Variants in B3GALNT1 observed in about 807,000 individuals in gnomAD.
The protein encoded by B3GALNT1 is UDP-GalNAc:beta-1,3-N-acetylgalactosaminyltransferase 1.
A neutral mutation model predicts 27.3 loss-of-function variants in B3GALNT1; 17 were observed. The ratio of observed to expected loss-of-function variants is 0.62; its 90% CI spans 0.43 to 0.94. B3GALNT1 has a LOEUF of 0.94. B3GALNT1 is among the 40% of genes least tolerant of loss of function. The pLI, the probability that B3GALNT1 is intolerant of heterozygous loss-of-function variation, is 0.00. For missense variants in B3GALNT1, 347 were observed against 390.0 expected, an observed-to-expected ratio of 0.89 and a Z score of 0.93; for synonymous variants, 141 against 144.0, an observed-to-expected ratio of 0.98 and a Z score of 0.15.
At chr3:161,095,219 G>GGCCC (rs761310280) in intron 4 of B3GALNT1, among the ~76,000 whole-genome samples, 22 of 152,122 alleles carry the variant, frequency 1.4e-4, no homozygotes, top group Non-Finnish European at 2.5e-4. Flanking sequence ...CAAAAAGCTG[G>GGCCC]TTGTTGGAAA....
chr3:161,104,146 A>G (rs1001337587), intron 2 of B3GALNT1, 173 bp downstream of exon 2: 5 of 385,742 alleles, frequency 1.3e-5, no homozygotes, highest in South Asian at 4.4e-5. Context: ...TCTGTTAGTA[A>G]TAAACGATTC....
intron 4 of B3GALNT1, among the ~76,000 whole-genome samples, chr3:161,094,833 A>T (rs1259706377): frequency 1.3e-5 from 2 of 152,166 alleles, no homozygotes; most frequent in African/African-American, 4.8e-5. Flanking sequence ...CATTTGCCAC[A>T]ATGCCGGGCA....
rs753798755 is a variant in B3GALNT1 at position 161,086,794 on chromosome 3, A to T, written c.-34-6T>A. On this transcript the variant is annotated splice_polypyrimidine_tract_variant and splice_region_variant and intron_variant, in intron 4 of 4. Transcript: ENST00000320474. ...AAGCACGCGAGCCGAAGGTTCTGGA[A>T]GAGTTATCAAAGATTGGGTTAATAT... 1.2e-6 allele frequency: 2 copies of T among 1,609,588 alleles called. No homozygotes were observed. The highest frequency in any genetic ancestry group is 2.7e-5 in the African/African-American group (2 of 74,834).
chr3:161,091,523 C>A (rs747331823), intron 4 of B3GALNT1, among the ~76,000 whole-genome samples: 1 of 152,194 alleles, frequency 6.6e-6, no homozygotes, highest in Non-Finnish European at 1.5e-5. Flanking sequence ...CTCTTCCCAG[C>A]GTATCCACAC....
At chr3:161,089,002 T>G (rs1268150887) in intron 4 of B3GALNT1, among the ~76,000 whole-genome samples, 1 of 152,178 alleles carries the variant, frequency 6.6e-6, no homozygotes, top group Non-Finnish European at 1.5e-5. Context: ...AGAAACTATC[T>G]AGTCCAAAAG....
chr3:161,091,007 C>T (rs1246203471), intron 4 of B3GALNT1, among the ~76,000 whole-genome samples: 2 of 152,222 alleles, frequency 1.3e-5, no homozygotes, highest in East Asian at 3.9e-4. Context: ...ATGGCTCACA[C>T]CTGTAATCCT....
intron 4 of B3GALNT1, among the ~76,000 whole-genome samples, chr3:161,091,201 C>G (rs1326049930): frequency 1.3e-5 from 2 of 152,052 alleles, no homozygotes; most frequent in Non-Finnish European, 2.9e-5. Context: ...TGTGGGAGGT[C>G]CGGGCTGCAG....
intron 4 of B3GALNT1, among the ~76,000 whole-genome samples, chr3:161,088,207 A>T (rs1249185813): frequency 6.6e-6 from 1 of 152,176 alleles, no homozygotes; most frequent in Non-Finnish European, 1.5e-5. Context: ...TGTCCTCTTC[A>T]TCTGGTCATC....
rs1472307033 is a variant in B3GALNT1 at position 161,086,495 on chromosome 3, T to C, written c.260A>G (p.His87Arg). ...CTGCCTGGCTTTCACATCTGAAGGGTGGGAGGTCACCAGAATGACCAGAAA... is the reference window on the plus strand; with the variant it reads ...CTGCCTGGCTTTCACATCTGAAGGGCGGGAGGTCACCAGAATGACCAGAAA... ...NPFLVILVTSHPSDVKARQAI... is the reference protein window; with the variant it reads ...NPFLVILVTSRPSDVKARQAI... The change falls in exon 5 of 5, where the codon CAC becomes CGC. Residue 87 changes from histidine (H) to arginine (R), a missense_variant. By Grantham distance (29) the His-to-Arg change is conservative. Transcript: ENST00000320474. 1.2e-6 allele frequency: 2 copies of C among 1,613,660 alleles called. No individual in the cohort carries two copies. The highest frequency in any genetic ancestry group is 1.7e-6 in the Non-Finnish European group (2 of 1,179,960).
intron 3 of B3GALNT1, among the ~76,000 whole-genome samples, chr3:161,102,915 C>A (rs1732152730): frequency 6.6e-6 from 1 of 152,088 alleles, no homozygotes; most frequent in Admixed American, 6.5e-5. Flanking sequence ...ATCATCCATC[C>A]AAAGGGGAAA....
At chr3:161,104,905 G>A (rs1231046370) in intron 1 of B3GALNT1, 1 of 152,502 alleles carries the variant, frequency 6.6e-6, no homozygotes, top group African/African-American at 2.4e-5. Context: ...CCTGGGGCAA[G>A]GCAAGGTGGA....
At position 161,084,997 on chromosome 3, in the gene B3GALNT1, C is replaced by T. The variant is rs1475163894; in HGVS notation, c.*762G>A. Reference sequence around the variant, plus strand: ...CAAGACAATACTTCAGATTTTCTTGCTTTAATTCTTCTCTATATTACCACA... The same window carrying T: ...CAAGACAATACTTCAGATTTTCTTGTTTTAATTCTTCTCTATATTACCACA... On this transcript the variant is annotated 3_prime_UTR_variant, in exon 5 of 5. Transcript: ENST00000320474. 2 of 152,114 alleles carry T rather than the reference C, an allele frequency of 1.3e-5. No individual in the cohort carries two copies. The highest frequency in any genetic ancestry group is 3.8e-4 in the East Asian group (2 of 5,196). 9.4% of individuals were successfully genotyped at this position (152,114 alleles called of 1,614,324 possible). A position where few individuals can be genotyped will look rare whatever the true frequency, so the allele number is the denominator to read the frequency against.
chr3:161,098,832 T>C (rs1369810400), intron 4 of B3GALNT1, among the ~76,000 whole-genome samples: 2 of 152,188 alleles, frequency 1.3e-5, no homozygotes, highest in African/African-American at 4.8e-5. Context: ...ACAATGACCA[T>C]CAGGAGCTAG....
At chr3:161,095,143 C>T (rs1010528865) in intron 4 of B3GALNT1, among the ~76,000 whole-genome samples, 1 of 152,152 alleles carries the variant, frequency 6.6e-6, no homozygotes, top group Non-Finnish European at 1.5e-5. Context: ...GACTCCCATT[C>T]TTATCCCTGA....
In B3GALNT1 at chr3:161,104,772, G is replaced by A. The variant is rs190400083; in HGVS notation, c.-308-366C>T. 702 of 173,734 alleles carry A rather than the reference G, an allele frequency of 4.0e-3. 2 individuals are homozygous for A. The highest frequency in any genetic ancestry group is 0.016 in the African/African-American group (669 of 41,784). The allele number at this position is 173,734 out of a possible 1,614,324, so 10.8% of individuals were successfully genotyped here. A position where few individuals can be genotyped will look rare whatever the true frequency, so the allele number is the denominator to read the frequency against. ...AAGCGTTCGCCGCAGGCCTGTTAGG[G>A]GCCCACCAATACCGTAACACCGTTC... On this transcript the variant is annotated intron_variant, in intron 1 of 4. Coordinates refer to ENST00000320474, the MANE Select transcript of B3GALNT1 (RefSeq NM_003781.4).
At chr3:161,095,393 A>G (rs959349245) in intron 4 of B3GALNT1, among the ~76,000 whole-genome samples, 6 of 152,228 alleles carry the variant, frequency 3.9e-5, no homozygotes, top group African/African-American at 1.4e-4. Flanking sequence ...GGAATAGGCT[A>G]AGGCGAATAT....
chr3:161,085,708 A>T lies in B3GALNT1; in HGVS notation c.*51T>A. On this transcript the variant is annotated 3_prime_UTR_variant, in exon 5 of 5. Transcript: ENST00000320474. ...TTTTCCACAGTACCTACTTTATTTA[A>T]CACTTTCCACAAAGTATCCTGTCCT... 1 of 1,600,556 alleles carries T rather than the reference A, an allele frequency of 6.2e-7. No homozygotes were observed.
rs33946641 is a variant in B3GALNT1, at chr3:161,092,763, CTTTTTTT to C, written c.-34-5982_-34-5976del. Among the ~76,000 whole-genome samples, 124 of 104,838 alleles carry C rather than the reference CTTTTTTT, an allele frequency of 1.2e-3. No individual in the cohort carries two copies. In the East Asian group the frequency reaches 0.013, roughly 11 times the overall value. 68.8% of individuals were successfully genotyped at this position (104,838 alleles called of 152,430 possible). A position where few individuals can be genotyped will look rare whatever the true frequency, so the allele number is the denominator to read the frequency against. On this transcript the variant is annotated intron_variant, in intron 4 of 4. Transcript: ENST00000320474. ...TTACCTTCTCAAAAGTTTCATTTTTCTTTTTTTTTTTTTTTTTTTTTGAGATGGAGTC... is the reference window on the plus strand; with the variant it reads ...TTACCTTCTCAAAAGTTTCATTTTTCTTTTTTTTTTTTTTGAGATGGAGTC...
At chr3:161,095,611 T>G (rs1407236258) in intron 4 of B3GALNT1, among the ~76,000 whole-genome samples, 6 of 152,102 alleles carry the variant, frequency 3.9e-5, no homozygotes, top group African/African-American at 1.4e-4. Flanking sequence ...TACTGACCCC[T>G]GTAAGGAAGA....
Sources: gnomAD v4.1 joint callset for allele counts (sites outside exome capture counted in the v4.1 genomes callset) on GRCh38, gnomAD v4.1.1 for gene constraint, MANE v1.5 for transcripts, NCBI Gene and HGNC (gene_info 2026-07-23, HGNC 2026-07-21) for gene names.